Variants in SSPN observed in about 807,000 individuals in gnomAD.
SSPN encodes the protein sarcospan.
SSPN carries 15 observed loss-of-function variants against 19.1 expected under a neutral mutation model. That is an observed-to-expected ratio of 0.78 (90% confidence interval 0.52 to 1.21). SSPN has a LOEUF of 1.21. SSPN is among the 50% of genes most tolerant of loss of function. The pLI is 0.00. For synonymous variants in SSPN, 147 were observed against 140.3 expected, an observed-to-expected ratio of 1.05 and a Z score of -0.34; for missense variants, 291 against 314.0, an observed-to-expected ratio of 0.93 and a Z score of 0.55.
chr12:26,216,336 A>C (rs1444945539), intron 1 of SSPN, among the ~76,000 whole-genome samples: 1 of 151,992 alleles, frequency 6.6e-6, no homozygotes, highest in African/African-American at 2.4e-5. Context: ...GATGATGAGC[A>C]TTTTTTCATG....
chr12:26,125,010 A>C, intron 1 of SSPN: 1 of 615,232 alleles, frequency 1.6e-6, no homozygotes, highest in Non-Finnish European at 3.0e-6. Context: ...CTGCGCTGGT[A>C]GTTTGCTCTC....
intron 1 of SSPN, among the ~76,000 whole-genome samples, chr12:26,200,761 A>C (rs1944869744): frequency 6.6e-6 from 1 of 151,780 alleles, no homozygotes; most frequent in Non-Finnish European, 1.5e-5. Flanking sequence ...TATTCATCAT[A>C]TTGGGACTTT....
chr12:26,171,769 A>G (rs1020633227), intron 1 of SSPN, among the ~76,000 whole-genome samples: 3 of 152,222 alleles, frequency 2.0e-5, no homozygotes, highest in African/African-American at 7.2e-5. Flanking sequence ...GATATAATTC[A>G]CATAAACAAA....
intron 1 of SSPN, among the ~76,000 whole-genome samples, chr12:26,142,578 C>A (rs1159793435): frequency 6.6e-6 from 1 of 152,044 alleles, no homozygotes; most frequent in East Asian, 1.9e-4. Context: ...TTGTGACGTA[C>A]CATGGGTGGA....
At chr12:26,201,036 TATATATATATTA>T (rs1191709947) in intron 1 of SSPN, among the ~76,000 whole-genome samples, 1,120 of 61,094 alleles carry the variant, frequency 0.018, 32 homozygotes, top group African/African-American at 0.041. Flanking sequence ...TATATATATA[TATATATATATTA>T]TATATATATA....
At chr12:26,124,177 A>G in intron 1 of SSPN, 3 of 1,576,960 alleles carry the variant, frequency 1.9e-6, no homozygotes, top group Non-Finnish European at 2.6e-6. Context: ...ATTTGTAGGT[A>G]TCCTTAATAT....
chr12:26,192,462 G>T (rs1944795222), upstream of SSPN, among the ~76,000 whole-genome samples: 2 of 152,172 alleles, frequency 1.3e-5, no homozygotes, highest in Non-Finnish European at 2.9e-5. Flanking sequence ...AAAAGGAAGA[G>T]TTTTCTTTGT....
chr12:26,126,710 C>T (rs1325161970), intron 1 of SSPN: 3 of 152,418 alleles, frequency 2.0e-5, no homozygotes, highest in African/African-American at 7.2e-5. Context: ...CTGCGTCTGG[C>T]TTCGTGACTC....
At chr12:26,177,981 A>G (rs745943560) in intron 1 of SSPN, among the ~76,000 whole-genome samples, 2 of 152,196 alleles carry the variant, frequency 1.3e-5, no homozygotes, top group African/African-American at 2.4e-5. Flanking sequence ...CCCCAAGTCT[A>G]AGCTCACTGA....
At chr12:26,179,820 C>T (rs533697006) in intron 1 of SSPN, among the ~76,000 whole-genome samples, 2 of 152,020 alleles carry the variant, frequency 1.3e-5, no homozygotes, top group Non-Finnish European at 1.5e-5. Context: ...CTCTACAACC[C>T]TCACATATGT....
intron 1 of SSPN, among the ~76,000 whole-genome samples, chr12:26,197,017 C>A (rs1008349559): frequency 3.3e-5 from 5 of 152,318 alleles, no homozygotes; most frequent in African/African-American, 1.2e-4. Flanking sequence ...GAAGTGGGAA[C>A]TGTTATTCCT....
intron 1 of SSPN, among the ~76,000 whole-genome samples, chr12:26,209,927 T>A (rs1030008158): frequency 6.6e-6 from 1 of 151,894 alleles, no homozygotes; most frequent in Non-Finnish European, 1.5e-5. Flanking sequence ...CCAAGAGGCT[T>A]TATGTATGAT....
In SSPN at chr12:26,234,515, G is replaced by C. The variant is rs1591903293; in HGVS notation, c.*3439G>C. On this transcript the variant is annotated 3_prime_UTR_variant, in exon 3 of 3. Transcript: ENST00000242729. ...GACTCACAGTGGAAACATTCATTTG[G>C]ATGAAGAATTAGTGGTTTAGCCTTT... 1 of 152,274 alleles carries C rather than the reference G, an allele frequency of 6.6e-6. No individual in the cohort carries two copies. The highest frequency in any genetic ancestry group is 1.9e-4 in the East Asian group (1 of 5,190). 9.4% of individuals were successfully genotyped at this position (152,274 alleles called of 1,614,324 possible). A position where few individuals can be genotyped will look rare whatever the true frequency, so the allele number is the denominator to read the frequency against.
At chr12:26,185,575 A>T (rs1214328488) in intron 1 of SSPN, among the ~76,000 whole-genome samples, 1 of 152,162 alleles carries the variant, frequency 6.6e-6, no homozygotes, top group Non-Finnish European at 1.5e-5. Flanking sequence ...GTTTCCAGGG[A>T]CTAGGAATAG....
At chr12:26,124,445 G>A in intron 1 of SSPN, 2 of 1,492,930 alleles carry the variant, frequency 1.3e-6, no homozygotes, top group Admixed American at 3.3e-5. Context: ...TGCGGGCAGA[G>A]CTTCACTGTG....
chr12:26,217,810 T>C (rs945657315), intron 1 of SSPN, among the ~76,000 whole-genome samples: 8 of 152,004 alleles, frequency 5.3e-5, no homozygotes, highest in Non-Finnish European at 8.8e-5. Flanking sequence ...TGCCAAAGGC[T>C]TTTTCTGCAT....
intron 1 of SSPN, among the ~76,000 whole-genome samples, chr12:26,150,323 A>G (rs1026843532): frequency 1.3e-5 from 2 of 152,226 alleles, no homozygotes; most frequent in African/African-American, 4.8e-5. Context: ...AAAGTTCAGT[A>G]AAAGGTTTCG....
rs540081124 is a variant in SSPN, at chr12:26,159,451, G to A, written c.-31+37299G>A. 2.6e-5 allele frequency among the ~76,000 whole-genome samples: 4 copies of A among 152,334 alleles called. No homozygotes were observed. The East Asian group carries it at 7.7e-4, about 29-fold the overall frequency. ...TCAGGAGAGCCCATAGTGTCCTGGAGGTCTGGAAAGATGGGTTGTGTGCAC... is the reference window on the plus strand; with the variant it reads ...TCAGGAGAGCCCATAGTGTCCTGGAAGTCTGGAAAGATGGGTTGTGTGCAC... On this transcript the variant is annotated intron_variant, in intron 1 of 2. Transcript: ENST00000538142.
intron 1 of SSPN, among the ~76,000 whole-genome samples, chr12:26,182,587 CCCTTCCCTTCCCTTCCCTTCCCTTCCCTT>C (rs905342686): frequency 3.5e-4 from 10 of 28,902 alleles, no homozygotes; most frequent in Non-Finnish European, 6.3e-4. Context: ...CCTTCCCCTT[CCCTTCCCTTCCCTTCCCTTCCCTTCCCTT>C]CCCTTCCCTT....
Sources: gnomAD v4.1 joint callset for allele counts (sites outside exome capture counted in the v4.1 genomes callset) on GRCh38, gnomAD v4.1.1 for gene constraint, MANE v1.5 for transcripts, NCBI Gene and HGNC (gene_info 2026-07-23, HGNC 2026-07-21) for gene names.